The following ZNF423 variants were observed in gnomAD, a reference collection of about 807,000 sequenced individuals.
ZNF423 encodes zinc finger protein 423, also known as Ebf-associated zinc finger protein.
Under a neutral mutation model 95.8 loss-of-function variants are expected in ZNF423, and 12 were observed. That is an observed-to-expected ratio of 0.13 (90% confidence interval 0.08 to 0.20). The LOEUF (loss-of-function observed/expected upper bound fraction) is 0.20, where lower values mean the gene tolerates loss of function less well. ZNF423 is among the 10% of genes least tolerant of loss of function. The pLI, the probability that ZNF423 is intolerant of heterozygous loss-of-function variation, is 1.00. For synonymous variants in ZNF423, 749 were observed against 711.9 expected, an observed-to-expected ratio of 1.05 and a Z score of -0.83; for missense variants, 1,316 against 1,737.1, an observed-to-expected ratio of 0.76 and a Z score of 4.31.
chr16:49,652,287 G>A lies in ZNF423; in HGVS notation c.302-13413C>T, dbSNP rs138160819. 7.6e-3 allele frequency among the ~76,000 whole-genome samples: 1,151 copies of A among 151,876 alleles called. 9 individuals are homozygous for A. The highest frequency in any genetic ancestry group is 0.02 in the Middle Eastern group (6 of 294). On this transcript the variant is annotated intron_variant, in intron 3 of 7. Transcript: ENST00000563137. ...TCCATCCCTTAGACAAATTTACTTA[G>A]CACTGATATTGAAAATGCAATTGAG...
rs1434157403 is a variant in ZNF423 at position 49,714,466 on chromosome 16, G to T, written c.301+16305C>A. ...GAGGTCACGAGTTCAAGACCAGCCT[G>T]GCCAACATGGCAAAACCCCATCTCT... On this transcript the variant is annotated intron_variant, in intron 3 of 7. Coordinates refer to ENST00000563137, the MANE Select transcript of ZNF423 (RefSeq NM_001379286.1). 2.0e-5 allele frequency among the ~76,000 whole-genome samples: 3 copies of T among 151,870 alleles called. No individual in the cohort carries two copies. In the East Asian group the frequency reaches 5.8e-4, roughly 29 times the overall value.
At chr16:49,708,788 C>T (rs867766985) in intron 3 of ZNF423, among the ~76,000 whole-genome samples, 8 of 152,156 alleles carry the variant, frequency 5.3e-5, no homozygotes, top group Admixed American at 1.3e-4. Flanking sequence ...AATGTCTGTT[C>T]CCCCCAGCAC....
At chr16:49,518,473 C>A (rs1968246464) in intron 7 of ZNF423, 1 of 434,686 alleles carries the variant, frequency 2.3e-6, no homozygotes, top group African/African-American at 2.0e-5. Flanking sequence ...ACTGTGCGCA[C>A]TGTCTGTCCC....
chr16:49,641,789 G>A (rs117740914), intron 3 of ZNF423, among the ~76,000 whole-genome samples: 2 of 152,344 alleles, frequency 1.3e-5, no homozygotes, highest in East Asian at 3.9e-4. Context: ...GACATGAGAT[G>A]TCCAGAATAA....
At chr16:49,740,211 T>A (rs2033385680) in intron 2 of ZNF423, among the ~76,000 whole-genome samples, 1 of 152,156 alleles carries the variant, frequency 6.6e-6, no homozygotes, top group South Asian at 2.1e-4. Context: ...CCTAACAGCC[T>A]GCACGTTTCC....
At chr16:49,634,654 A>G (rs1251508496) in intron 4 of ZNF423, among the ~76,000 whole-genome samples, 3 of 152,192 alleles carry the variant, frequency 2.0e-5, no homozygotes, top group African/African-American at 7.2e-5. Context: ...CAATGGTGCC[A>G]GCAGCGGTCC....
intron 3 of ZNF423, among the ~76,000 whole-genome samples, chr16:49,709,197 C>T (rs922373150): frequency 2.0e-5 from 2 of 98,420 alleles, no homozygotes; most frequent in Admixed American, 1.1e-4. Context: ...AACGGAGCTT[C>T]GGAGCCCTGG....
intron 2 of ZNF423, among the ~76,000 whole-genome samples, chr16:49,744,130 C>T (rs547514594): frequency 8.5e-5 from 13 of 152,302 alleles, no homozygotes; most frequent in Non-Finnish European, 1.8e-4. Context: ...TCAGGTCTGC[C>T]GGCTTTCTGC....
chr16:49,838,111 A>C (rs2035139950), intron 1 of ZNF423, among the ~76,000 whole-genome samples: 1 of 152,250 alleles, frequency 6.6e-6, no homozygotes, highest in South Asian at 2.1e-4. Flanking sequence ...TTAAGCGGCA[A>C]ACCCAGAATC....
chr16:49,523,834 G>C, intron 6 of ZNF423, 95 bp from the exon 7 acceptor site: 1 of 966,756 alleles, frequency 1.0e-6, no homozygotes. Flanking sequence ...AGGGATCACT[G>C]TGGCATAGGT....
chr16:49,508,395 C>A (rs1284115553), intron 7 of ZNF423, among the ~76,000 whole-genome samples: 1 of 151,724 alleles, frequency 6.6e-6, no homozygotes, highest in Non-Finnish European at 1.5e-5. Context: ...TGGTGTGCAC[C>A]TGTAGTCCCA....
intron 2 of ZNF423, among the ~76,000 whole-genome samples, chr16:49,740,329 G>A (rs1220193313): frequency 6.6e-6 from 1 of 152,198 alleles, no homozygotes; most frequent in Non-Finnish European, 1.5e-5. Context: ...TCACAGAGAA[G>A]AACCCTCTCC....
intron 3 of ZNF423, among the ~76,000 whole-genome samples, chr16:49,692,360 C>T (rs770165532): frequency 2.0e-5 from 3 of 152,120 alleles, no homozygotes; most frequent in African/African-American, 7.2e-5. Flanking sequence ...CTCTGGCAGA[C>T]CCCCAGCACA....
intron 3 of ZNF423, among the ~76,000 whole-genome samples, chr16:49,674,778 G>A (rs1280108387): frequency 2.0e-5 from 3 of 152,178 alleles, no homozygotes; most frequent in African/African-American, 7.2e-5. Context: ...AGGGCACCAG[G>A]GGACTCTGCG....
chr16:49,789,364 G>A, intron 2 of ZNF423, 123 bp downstream of exon 2: 1 of 890,848 alleles, frequency 1.1e-6, no homozygotes, highest in East Asian at 2.8e-5. Flanking sequence ...GGGGTAGTCT[G>A]GATTGGAGGC....
chr16:49,518,095 G>A (rs1968228765), intron 7 of ZNF423: 14 of 444,262 alleles, frequency 3.2e-5, no homozygotes, highest in South Asian at 2.1e-4. Context: ...CAATGGAAAA[G>A]TTCATTGCAA....
chr16:49,668,995 G>A (rs560846586), intron 3 of ZNF423, among the ~76,000 whole-genome samples: 1 of 152,134 alleles, frequency 6.6e-6, no homozygotes, highest in Non-Finnish European at 1.5e-5. Flanking sequence ...GTAACCCTTA[G>A]TAAGCACAGA....
At chr16:49,555,714 G>C (rs1197654532) in intron 5 of ZNF423, among the ~76,000 whole-genome samples, 2 of 152,220 alleles carry the variant, frequency 1.3e-5, no homozygotes, top group Admixed American at 1.3e-4. Flanking sequence ...GTAGATGGAA[G>C]AATGAATGAG....
At chr16:49,733,027 C>T (rs1338860466) in intron 2 of ZNF423, among the ~76,000 whole-genome samples, 1 of 152,176 alleles carries the variant, frequency 6.6e-6, no homozygotes, top group Non-Finnish European at 1.5e-5. Context: ...ACAGAAATCC[C>T]ATTAAAAGTC....
Sources: gnomAD v4.1 joint callset for allele counts (sites outside exome capture counted in the v4.1 genomes callset) on GRCh38, gnomAD v4.1.1 for gene constraint, MANE v1.5 for transcripts, NCBI Gene and HGNC (gene_info 2026-07-23, HGNC 2026-07-21) for gene names.